The following CYRIB variants were observed in gnomAD, a reference collection of about 807,000 sequenced individuals.
CYRIB encodes CYFIP related Rac1 interactor B, also known as CYFIP-related Rac1 interactor B.
CYRIB carries 8 observed loss-of-function variants against 44.2 expected under a neutral mutation model. The observed-to-expected ratio is 0.18, with a 90% confidence interval of 0.11 to 0.33. The LOEUF (loss-of-function observed/expected upper bound fraction) is 0.33, where lower values mean the gene tolerates loss of function less well. Among genes scored for constraint, CYRIB ranks in the 10% least tolerant of loss-of-function variants. The probability of loss-of-function intolerance (pLI) is 1.00; values close to 1 mark genes in which losing one functional copy is unlikely to be tolerated. For missense variants in CYRIB, 185 were observed against 382.8 expected (o/e 0.48, Z 4.31); for synonymous variants, 131 against 127.2 (o/e 1.03, Z -0.20).
chr8:129,972,537 T>G (rs1214400485), intron 1 of CYRIB, among the ~76,000 whole-genome samples: 7 of 152,146 alleles, frequency 4.6e-5, no homozygotes, highest in Non-Finnish European at 7.3e-5. Flanking sequence ...TGATGTGCAC[T>G]GTGCTCCAGC....
At chr8:130,009,418 C>A (rs1389182565) in intron 1 of CYRIB, among the ~76,000 whole-genome samples, 1 of 152,096 alleles carries the variant, frequency 6.6e-6, no homozygotes, top group Admixed American at 6.6e-5. Flanking sequence ...CAGGTGCCAG[C>A]CAACACGCCC....
intron 2 of CYRIB, among the ~76,000 whole-genome samples, chr8:129,949,685 C>T (rs2131270665): frequency 6.6e-6 from 1 of 151,384 alleles, no homozygotes; most frequent in South Asian, 2.1e-4. Context: ...CTGACCAACA[C>T]ATAGAGAAAC....
chr8:129,952,221 T>TTTTAGTAGAGATGGGG (rs1276633357), intron 2 of CYRIB, among the ~76,000 whole-genome samples: 2 of 152,096 alleles, frequency 1.3e-5, no homozygotes, highest in East Asian at 3.9e-4. Context: ...AATTTTGTAT[T>TTTTAGTAGAGATGGGG]TTTAGTAGAG....
intron 2 of CYRIB, among the ~76,000 whole-genome samples, chr8:129,964,500 A>G (rs952258647): frequency 6.6e-5 from 10 of 152,214 alleles, no homozygotes; most frequent in Non-Finnish European, 1.0e-4. Context: ...CCGTTTCCAA[A>G]ACACCTTGCA....
chr8:129,963,342 A>T (rs1345953815), intron 2 of CYRIB, among the ~76,000 whole-genome samples: 2 of 152,264 alleles, frequency 1.3e-5, no homozygotes, highest in African/African-American at 4.8e-5. Context: ...CAGAATCCTG[A>T]CTAATGAAAT....
At chr8:129,870,765 T>C (rs1191715808) in intron 4 of CYRIB, among the ~76,000 whole-genome samples, 1 of 152,126 alleles carries the variant, frequency 6.6e-6, no homozygotes, top group Non-Finnish European at 1.5e-5. Flanking sequence ...TTCCTCTGTG[T>C]AGTTCTGGAC....
upstream of CYRIB, among the ~76,000 whole-genome samples, chr8:129,942,563 C>T (rs180936138): frequency 5.3e-4 from 80 of 152,306 alleles, no homozygotes; most frequent in South Asian, 0.01. Flanking sequence ...ATAATCCTTT[C>T]TTCATCATTC....
At chr8:129,939,272 GACGAGCCA>G (rs1022155788) in intron 1 of CYRIB, among the ~76,000 whole-genome samples, 1 of 151,090 alleles carries the variant, frequency 6.6e-6, no homozygotes, top group Non-Finnish European at 1.5e-5. Context: ...CACGGGAAGG[GACGAGCCA>G]ACGAGCCAGG....
intron 2 of CYRIB, among the ~76,000 whole-genome samples, chr8:129,888,198 TC>T (rs1039901796): frequency 2.0e-5 from 3 of 152,136 alleles, no homozygotes; most frequent in Non-Finnish European, 4.4e-5. Context: ...GAGATCTGGT[TC>T]TTTTAAAGGG....
chr8:129,981,587 G>A (rs1454526893), intron 1 of CYRIB, among the ~76,000 whole-genome samples: 1 of 152,136 alleles, frequency 6.6e-6, no homozygotes, highest in African/African-American at 2.4e-5. Context: ...CACTTTTAAA[G>A]GTATGTCACT....
At chr8:129,862,208 A>C (rs1245990044) in intron 5 of CYRIB, 21 bp downstream of exon 7, 1 of 1,535,778 alleles carries the variant, frequency 6.5e-7, no homozygotes, top group Non-Finnish European at 9.0e-7. Context: ...GGAAGTCACA[A>C]TTACAAAACT....
upstream of CYRIB, among the ~76,000 whole-genome samples, chr8:129,940,840 C>CG (rs747086128): frequency 6.6e-6 from 1 of 152,078 alleles, no homozygotes; most frequent in Admixed American, 6.5e-5. Context: ...CTTTTCCCCC[C>CG]GGGAAAATAC....
chr8:129,949,672 A>G (rs1178204482), intron 2 of CYRIB, among the ~76,000 whole-genome samples: 1 of 151,944 alleles, frequency 6.6e-6, no homozygotes, highest in Non-Finnish European at 1.5e-5. Context: ...GTTCGAGACC[A>G]GCCTGACCAA....
intron 1 of CYRIB, among the ~76,000 whole-genome samples, chr8:129,931,336 A>C (rs1001680026): frequency 6.6e-6 from 1 of 152,222 alleles, no homozygotes; most frequent in Non-Finnish European, 1.5e-5. Flanking sequence ...GGTTTGATAT[A>C]AAGAAAGCAA....
chr8:129,909,333 TAAAG>T (rs1202734756), intron 1 of CYRIB, among the ~76,000 whole-genome samples: 9 of 152,106 alleles, frequency 5.9e-5, no homozygotes, highest in Non-Finnish European at 8.8e-5. Context: ...ACAAAATACA[TAAAG>T]AAAGTGGAAA....
intron 2 of CYRIB, among the ~76,000 whole-genome samples, chr8:129,880,821 AC>A (rs1256999011): frequency 6.6e-6 from 1 of 152,206 alleles, no homozygotes; most frequent in Non-Finnish European, 1.5e-5. Flanking sequence ...AACTATAGAA[AC>A]CATTTTTTTA....
intron 1 of CYRIB, among the ~76,000 whole-genome samples, chr8:129,908,047 A>C (rs898775165): frequency 2.0e-5 from 3 of 152,190 alleles, no homozygotes; most frequent in Admixed American, 6.5e-5. Flanking sequence ...CTCCATGGAA[A>C]ACTAAGACAG....
intron 1 of CYRIB, among the ~76,000 whole-genome samples, chr8:130,015,596 C>G (rs767911842): frequency 1.2e-4 from 18 of 152,266 alleles, no homozygotes; most frequent in Non-Finnish European, 1.9e-4. Context: ...AAGGCACACT[C>G]CAAGTAGCTC....
chr8:129,932,219 A>G (rs2091713752), intron 1 of CYRIB, among the ~76,000 whole-genome samples: 1 of 151,966 alleles, frequency 6.6e-6, no homozygotes, highest in African/African-American at 2.4e-5. Flanking sequence ...AGGCTGCTTC[A>G]TAGGTATCTC....
Sources: gnomAD v4.1 joint callset for allele counts (sites outside exome capture counted in the v4.1 genomes callset) on GRCh38, gnomAD v4.1.1 for gene constraint, MANE v1.5 for transcripts, NCBI Gene and HGNC (gene_info 2026-07-23, HGNC 2026-07-21) for gene names.